SEMA3E: variants seen among roughly 807,000 people sequenced by gnomAD.
SEMA3E encodes semaphorin-3E.
In SEMA3E, 49 loss-of-function variants were observed where a neutral mutation model predicts 93.6. That is an observed-to-expected ratio of 0.52 (90% CI 0.42 to 0.66). The LOEUF is 0.66. Ranked by LOEUF, SEMA3E falls within the 30% of genes least tolerant of loss-of-function variation. SEMA3E has a pLI of 0.00. For missense variants in SEMA3E, 906 were observed against 964.8 expected (o/e 0.94, Z 0.81); for synonymous variants, 363 against 330.7 (o/e 1.10, Z -1.06).
In SEMA3E at chr7:83,451,618, G is replaced by A. The variant is rs1015153194; in HGVS notation, c.456+14864C>T. Among the ~76,000 whole-genome samples the A allele has an allele frequency of 3.3e-5, 5 of 152,136 alleles. 1 individual carries two copies. Among genetic ancestry groups the A allele is most frequent in the Admixed American group, 3.3e-4 (5 of 15,272 alleles). On this transcript the variant is annotated intron_variant, in intron 4 of 16. Transcript: ENST00000643230. Reference sequence around the variant, plus strand: ...GGTGGAGATGGCAAACTGGCAAAAAGCCTGGGTGCAAGTGTGCATTGTGTG... The same window carrying A: ...GGTGGAGATGGCAAACTGGCAAAAAACCTGGGTGCAAGTGTGCATTGTGTG...
chr7:83,603,717 G>A (rs138819134), intron 1 of SEMA3E, among the ~76,000 whole-genome samples: 9 of 152,194 alleles, frequency 5.9e-5, no homozygotes, highest in African/African-American at 2.2e-4. Context: ...CTTTTTCACA[G>A]AAGCAAATAC....
At chr7:83,410,778 G>A (rs1210497665) in intron 5 of SEMA3E, among the ~76,000 whole-genome samples, 1 of 151,992 alleles carries the variant, frequency 6.6e-6, no homozygotes, top group East Asian at 1.9e-4. Flanking sequence ...TAAAAAAATT[G>A]ACTATTAACA....
At chr7:83,592,161 A>G (rs1247183740) in intron 1 of SEMA3E, among the ~76,000 whole-genome samples, 1 of 152,118 alleles carries the variant, frequency 6.6e-6, no homozygotes, top group African/African-American at 2.4e-5. Context: ...TGCATATAGT[A>G]ACGGTTTTAT....
At chr7:83,410,830 T>C (rs1437910407) in intron 5 of SEMA3E, among the ~76,000 whole-genome samples, 1 of 152,096 alleles carries the variant, frequency 6.6e-6, no homozygotes, top group Non-Finnish European at 1.5e-5. Flanking sequence ...TTTTTAATTA[T>C]TATAGTTGAG....
chr7:83,486,897 A>G (rs988130508), intron 2 of SEMA3E, among the ~76,000 whole-genome samples: 5 of 152,012 alleles, frequency 3.3e-5, no homozygotes, highest in Admixed American at 3.3e-4. Context: ...GGCTCAGCAA[A>G]ATAAGGATTT....
chr7:83,644,359 T>A (rs1318659927), intron 1 of SEMA3E, among the ~76,000 whole-genome samples: 1 of 151,958 alleles, frequency 6.6e-6, no homozygotes, highest in Admixed American at 6.6e-5. Flanking sequence ...TAAGAGCAAC[T>A]TTATCCTGTC....
chr7:83,602,152 T>C (rs1166098634), intron 1 of SEMA3E, among the ~76,000 whole-genome samples: 1 of 152,192 alleles, frequency 6.6e-6, no homozygotes, highest in Non-Finnish European at 1.5e-5. Flanking sequence ...GGTGAGGATT[T>C]TGTCTCCCTA....
At chr7:83,565,073 T>C (rs965240022) in intron 1 of SEMA3E, among the ~76,000 whole-genome samples, 22 of 151,988 alleles carry the variant, frequency 1.4e-4, no homozygotes, top group Non-Finnish European at 2.9e-4. Context: ...AACACCTCTA[T>C]GCAAATAAAC....
intron 4 of SEMA3E, among the ~76,000 whole-genome samples, chr7:83,462,485 A>C (rs1393466171): frequency 6.6e-6 from 1 of 151,846 alleles, no homozygotes. Flanking sequence ...GCCACACCTC[A>C]TTGCTGCCTT....
intron 1 of SEMA3E, among the ~76,000 whole-genome samples, chr7:83,545,649 A>G (rs1279660644): frequency 6.6e-6 from 1 of 150,666 alleles, no homozygotes; most frequent in East Asian, 1.9e-4. Context: ...ACTGTTAAGG[A>G]CATTTGACAG....
At chr7:83,589,936 C>T (rs1213096689) in intron 1 of SEMA3E, among the ~76,000 whole-genome samples, 1 of 152,088 alleles carries the variant, frequency 6.6e-6, no homozygotes, top group East Asian at 1.9e-4. Flanking sequence ...TATACCCTGT[C>T]CAGGGATAGA....
chr7:83,522,483 T>A (rs1791069845), intron 1 of SEMA3E, among the ~76,000 whole-genome samples: 1 of 152,072 alleles, frequency 6.6e-6, no homozygotes, highest in Non-Finnish European at 1.5e-5. Context: ...CACTGTAGGA[T>A]CAGGCTGAAG....
intron 1 of SEMA3E, among the ~76,000 whole-genome samples, chr7:83,516,182 ATTAAT>A (rs1790923897): frequency 6.6e-6 from 1 of 152,164 alleles, no homozygotes; most frequent in Non-Finnish European, 1.5e-5. Flanking sequence ...AGTTTTATTC[ATTAAT>A]TTAATATGTA....
intron 4 of SEMA3E, among the ~76,000 whole-genome samples, chr7:83,446,270 A>C (rs2115802420): frequency 6.6e-6 from 1 of 152,344 alleles, no homozygotes; most frequent in East Asian, 1.9e-4. Context: ...TTAAGGGCTA[A>C]AAAAGATTGA....
chr7:83,532,078 C>T (rs996319677), intron 1 of SEMA3E, among the ~76,000 whole-genome samples: 1 of 152,062 alleles, frequency 6.6e-6, no homozygotes, highest in Non-Finnish European at 1.5e-5. Context: ...ATTAGGGAAA[C>T]TTGAAGGAGA....
intron 1 of SEMA3E, among the ~76,000 whole-genome samples, chr7:83,503,150 A>G (rs1790629380): frequency 6.6e-6 from 1 of 152,114 alleles, no homozygotes; most frequent in African/African-American, 2.4e-5. Flanking sequence ...TAGGCTCAAA[A>G]TGAAATAGGA....
At position 83,610,348 on chromosome 7, in the gene SEMA3E, A is replaced by G. The variant is rs80165711; in HGVS notation, c.115+38080T>C. The stretch of plus-strand genomic sequence containing the variant: ...AGCCATTCCTCTTATTTTCTATTTT[A>G]TTTTCTGGACTACTTAGAATACAGA... On this transcript the variant is annotated intron_variant, in intron 1 of 16. Transcript: ENST00000643230. Among the ~76,000 whole-genome samples, 948 of 152,062 alleles carry G rather than the reference A, an allele frequency of 6.2e-3. 5 individuals carry two copies. The highest frequency in any genetic ancestry group is 0.022 in the African/African-American group (908 of 41,514).
intron 4 of SEMA3E, among the ~76,000 whole-genome samples, chr7:83,459,893 G>T (rs1202937157): frequency 6.6e-6 from 1 of 152,106 alleles, no homozygotes; most frequent in Non-Finnish European, 1.5e-5. Flanking sequence ...GGCTCAAAAA[G>T]CACCCCTACT....
At chr7:83,431,807 G>A (rs916306345) in intron 4 of SEMA3E, among the ~76,000 whole-genome samples, 3 of 152,162 alleles carry the variant, frequency 2.0e-5, no homozygotes, top group South Asian at 4.1e-4. Context: ...GCAAATTTGC[G>A]AGAACATGTT....
Sources: gnomAD v4.1 joint callset for allele counts (sites outside exome capture counted in the v4.1 genomes callset) on GRCh38, gnomAD v4.1.1 for gene constraint, MANE v1.5 for transcripts, NCBI Gene and HGNC (gene_info 2026-07-23, HGNC 2026-07-21) for gene names.